STAU2: variants seen among roughly 807,000 people sequenced by gnomAD.
STAU2 encodes double-stranded RNA-binding protein Staufen homolog 2.
Under a neutral mutation model 65.9 loss-of-function variants are expected in STAU2, and 20 were observed. The ratio of observed to expected loss-of-function variants is 0.30; its 90% CI spans 0.21 to 0.44. STAU2 has a LOEUF of 0.44. Ranked by LOEUF, STAU2 falls within the 20% of genes least tolerant of loss-of-function variation. The pLI is 1.00. For synonymous variants in STAU2, 232 were observed against 233.9 expected (o/e 0.99, Z 0.07); for missense variants, 558 against 683.9 (o/e 0.82, Z 2.05).
chr8:73,581,478 A>C (rs528068659), intron 12 of STAU2, among the ~76,000 whole-genome samples: 2 of 152,338 alleles, frequency 1.3e-5, no homozygotes, highest in African/African-American at 4.8e-5. Context: ...GGAAATCAAC[A>C]TTCATTACGT....
chr8:73,481,517 A>AAAAC lies in STAU2; in HGVS notation c.1531-58816_1531-58815insGTTT, dbSNP rs1554595569. Among the ~76,000 whole-genome samples the AAAAC allele has an allele frequency of 9.0e-4, 25 of 27,680 alleles. 1 individual carries two copies. The highest frequency in any genetic ancestry group is 2.2e-3 in the African/African-American group (25 of 11,204). 18.2% of individuals were successfully genotyped at this position (27,680 alleles called of 152,430 possible). ...AAATAAGCCAAAAAAACAAAAAAAC[A>AAAAC]AAAAAAAAAAACACTTTTTTTGAGT... On this transcript the variant is annotated intron_variant, in intron 13 of 14. Coordinates refer to ENST00000524300, the MANE Select transcript of STAU2 (RefSeq NM_001164380.2).
chr8:73,729,047 T>G lies in STAU2; in HGVS notation c.-18+9237A>C, dbSNP rs139703557. Among the ~76,000 whole-genome samples, 84 of 152,326 alleles carry G rather than the reference T, an allele frequency of 5.5e-4. 1 individual carries two copies. Among genetic ancestry groups the G allele is most frequent in the African/African-American group, 1.9e-3 (77 of 41,582 alleles). ...TTTTACTATTGAGTTGGATGTTAGC[T>G]GTGGGTTTTTTCATAAACGCTGAAT... On this transcript the variant is annotated intron_variant, in intron 3 of 14. Coordinates refer to ENST00000524300, the MANE Select transcript of STAU2 (RefSeq NM_001164380.2).
intron 12 of STAU2, among the ~76,000 whole-genome samples, chr8:73,566,948 T>A (rs902994920): frequency 6.6e-6 from 1 of 152,178 alleles, no homozygotes; most frequent in African/African-American, 2.4e-5. Flanking sequence ...AGCAAAGCAA[T>A]CTACTAAGAG....
chr8:73,675,860 A>G (rs192199218), intron 5 of STAU2, among the ~76,000 whole-genome samples: 85 of 152,288 alleles, frequency 5.6e-4, no homozygotes, highest in Non-Finnish European at 1.1e-3. Context: ...TTAAATGGTA[A>G]TATGGATCAA....
chr8:73,517,898 T>TA (rs1822827912), intron 13 of STAU2, among the ~76,000 whole-genome samples: 1 of 152,218 alleles, frequency 6.6e-6, no homozygotes, highest in Non-Finnish European at 1.5e-5. Flanking sequence ...ATATATGAAA[T>TA]TATAAGTCAG....
chr8:73,509,940 T>C (rs540741890), intron 13 of STAU2, among the ~76,000 whole-genome samples: 111 of 152,340 alleles, frequency 7.3e-4, no homozygotes, highest in Non-Finnish European at 1.0e-3. Flanking sequence ...TGCTTATTTT[T>C]TAAATTTCAC....
intron 13 of STAU2, chr8:73,551,279 A>G (rs1354846365): frequency 2.0e-6 from 2 of 987,116 alleles, no homozygotes; most frequent in Admixed American, 1.2e-4. Flanking sequence ...AAATAGGGGA[A>G]AAAAAGTTTC....
At chr8:73,701,806 T>C (rs1164665960) in intron 4 of STAU2, among the ~76,000 whole-genome samples, 2 of 152,138 alleles carry the variant, frequency 1.3e-5, no homozygotes, top group African/African-American at 2.4e-5. Flanking sequence ...GTGCTTACAA[T>C]AGCTAAGATT....
At chr8:73,554,632 A>G (rs1429355600) in intron 12 of STAU2, among the ~76,000 whole-genome samples, 2 of 152,164 alleles carry the variant, frequency 1.3e-5, no homozygotes, top group Admixed American at 1.3e-4. Context: ...GGCATACAGG[A>G]GCCTCTTAAC....
intron 6 of STAU2, among the ~76,000 whole-genome samples, chr8:73,658,515 A>G (rs1816561120): frequency 6.6e-6 from 1 of 152,258 alleles, no homozygotes; most frequent in Non-Finnish European, 1.5e-5. Flanking sequence ...CTTACCCAGA[A>G]TTTATTAGAC....
At chr8:73,694,231 C>A (rs1819548346) in intron 4 of STAU2, among the ~76,000 whole-genome samples, 1 of 152,134 alleles carries the variant, frequency 6.6e-6, no homozygotes, top group South Asian at 2.1e-4. Context: ...ATAAAATTGA[C>A]AATTAAAGTC....
At chr8:73,725,853 A>C (rs890420810) in intron 3 of STAU2, among the ~76,000 whole-genome samples, 2 of 152,168 alleles carry the variant, frequency 1.3e-5, no homozygotes, top group Non-Finnish European at 2.9e-5. Context: ...GGACTGCTTC[A>C]GCCTGGGAGG....
At chr8:73,618,355 G>T (rs745493321) in intron 6 of STAU2, among the ~76,000 whole-genome samples, 7 of 152,298 alleles carry the variant, frequency 4.6e-5, no homozygotes, top group South Asian at 2.1e-4. Context: ...ATTGTGTAAA[G>T]ACATGAAATA....
chr8:73,467,886 A>T (rs1192922138), intron 13 of STAU2, among the ~76,000 whole-genome samples: 1 of 152,218 alleles, frequency 6.6e-6, no homozygotes, highest in African/African-American at 2.4e-5. Context: ...TGCCCAAGAT[A>T]ATTTATAGAT....
chr8:73,442,145 G>A (rs1818193927), intron 13 of STAU2, among the ~76,000 whole-genome samples: 1 of 152,064 alleles, frequency 6.6e-6, no homozygotes, highest in Admixed American at 6.5e-5. Context: ...ACGAGGTCAG[G>A]AGATCGAGAT....
intron 3 of STAU2, among the ~76,000 whole-genome samples, chr8:73,723,842 A>G (rs1337976670): frequency 2.0e-5 from 3 of 152,212 alleles, no homozygotes; most frequent in Non-Finnish European, 4.4e-5. Flanking sequence ...GATTCTCATA[A>G]TTATGGGTCA....
chr8:73,710,442 T>G (rs998003984), intron 3 of STAU2, among the ~76,000 whole-genome samples: 2 of 151,830 alleles, frequency 1.3e-5, no homozygotes, highest in South Asian at 4.2e-4. Context: ...TTTTACGTCT[T>G]GTTTAGGAAG....
chr8:73,707,798 G>GT (rs1820619664), intron 4 of STAU2, among the ~76,000 whole-genome samples: 2 of 151,984 alleles, frequency 1.3e-5, no homozygotes, highest in Admixed American at 6.5e-5. Context: ...CTATAACACA[G>GT]TAACGGCTAC....
chr8:73,645,398 C>T (rs1273093384), intron 6 of STAU2, among the ~76,000 whole-genome samples: 6 of 151,996 alleles, frequency 3.9e-5, no homozygotes, highest in Admixed American at 2.6e-4. Flanking sequence ...CACCCATTCA[C>T]GATAAAAAAA....
Sources: gnomAD v4.1 joint callset for allele counts (sites outside exome capture counted in the v4.1 genomes callset) on GRCh38, gnomAD v4.1.1 for gene constraint, MANE v1.5 for transcripts, NCBI Gene and HGNC (gene_info 2026-07-23, HGNC 2026-07-21) for gene names.